Variants in NXPE2 observed in about 807,000 individuals in gnomAD.
NXPE2 encodes NXPE family member 2.
In NXPE2, 34 loss-of-function variants were observed where a neutral mutation model predicts 34.4. That is an observed-to-expected ratio of 0.99 (90% confidence interval 0.75 to 1.31). The LOEUF (loss-of-function observed/expected upper bound fraction) is 1.31. Ranked by LOEUF, NXPE2 falls within the 40% of genes most tolerant of loss-of-function variation. The pLI is 0.00. For missense variants in NXPE2, 649 were observed against 672.5 expected (o/e 0.97, Z 0.39); for synonymous variants, 235 against 231.3 (o/e 1.02, Z -0.15).
the NXPE2 span, among the ~76,000 whole-genome samples, chr11:114,488,866 A>G: frequency 2.6e-5 from 4 of 152,156 alleles, no homozygotes; most frequent in Non-Finnish European, 5.9e-5. Context: ...ATCAGAGCAG[A>G]ACTGAAGGAG....
chr11:114,492,032 A>T, the NXPE2 span, among the ~76,000 whole-genome samples: 1 of 152,162 alleles, frequency 6.6e-6, no homozygotes, highest in Non-Finnish European at 1.5e-5. Flanking sequence ...GGGGGGACGG[A>T]TAGCATTAGG....
the NXPE2 span, among the ~76,000 whole-genome samples, chr11:114,727,420 A>G: frequency 1.3e-5 from 2 of 152,186 alleles, no homozygotes; most frequent in East Asian, 3.9e-4. Flanking sequence ...ATGTCTGAAA[A>G]GCCTCACTTC....
the NXPE2 span, among the ~76,000 whole-genome samples, chr11:114,799,834 G>C: frequency 6.6e-6 from 1 of 152,096 alleles, no homozygotes; most frequent in South Asian, 2.1e-4. Flanking sequence ...ATGACCGGCG[G>C]TGTTAACAGT....
chr11:114,538,055 A>G, the NXPE2 span, among the ~76,000 whole-genome samples: 2 of 152,358 alleles, frequency 1.3e-5, no homozygotes, highest in South Asian at 4.1e-4. Context: ...TAACCAAAAC[A>G]GCATGGTACT....
chr11:114,608,088 G>A, the NXPE2 span, among the ~76,000 whole-genome samples: 1 of 151,396 alleles, frequency 6.6e-6, no homozygotes, highest in East Asian at 2.0e-4. Context: ...TGTCTAATAA[G>A]TGTTGCCTCG....
At chr11:114,775,206 G>A in the NXPE2 span, among the ~76,000 whole-genome samples, 1 of 152,308 alleles carries the variant, frequency 6.6e-6, no homozygotes, top group Non-Finnish European at 1.5e-5. Context: ...CTCCAGGTCC[G>A]CCTTCAGGCA....
At chr11:114,743,064 C>A in the NXPE2 span, among the ~76,000 whole-genome samples, 1 of 152,040 alleles carries the variant, frequency 6.6e-6, no homozygotes, top group African/African-American at 2.4e-5. Flanking sequence ...TTAGGAGTAG[C>A]CCTGGTTTTG....
At chr11:114,565,280 G>A in the NXPE2 span, among the ~76,000 whole-genome samples, 3 of 151,814 alleles carry the variant, frequency 2.0e-5, no homozygotes, top group Non-Finnish European at 4.4e-5. Flanking sequence ...AATAGAGAAC[G>A]TGTCTTTATT....
At chr11:114,528,995 T>C in the NXPE2 span, 3 of 417,450 alleles carry the variant, frequency 7.2e-6, no homozygotes, top group Admixed American at 3.8e-5. Context: ...CCAGGGACTA[T>C]AGATCAGGAG....
the NXPE2 span, among the ~76,000 whole-genome samples, chr11:114,759,631 G>A: frequency 6.6e-6 from 1 of 152,174 alleles, no homozygotes; most frequent in African/African-American, 2.4e-5. Context: ...GCTATAAAAT[G>A]AGGAAAATTA....
At chr11:114,806,879 C>T in the NXPE2 span, among the ~76,000 whole-genome samples, 120,165 of 149,792 alleles carry the variant, frequency 0.8, 48,544 homozygotes, top group Non-Finnish European at 0.87. Flanking sequence ...AACTCCAAGA[C>T]ACGTAATTGT....
At chr11:114,670,353 T>C in the NXPE2 span, among the ~76,000 whole-genome samples, 13,999 of 152,012 alleles carry the variant, frequency 0.092, 765 homozygotes, top group Middle Eastern at 0.2. Flanking sequence ...TCAGAGACTA[T>C]GCACTTCTGG....
At chr11:114,696,686 A>G (rs1041199284) in intron 2 of NXPE2, among the ~76,000 whole-genome samples, 2 of 152,234 alleles carry the variant, frequency 1.3e-5, no homozygotes, top group Non-Finnish European at 2.9e-5. Flanking sequence ...ATTCAGAATC[A>G]TAGTCAACAA....
At chr11:114,641,969 A>G in the NXPE2 span, among the ~76,000 whole-genome samples, 776 of 152,224 alleles carry the variant, frequency 5.1e-3, 4 homozygotes, top group African/African-American at 0.016. Flanking sequence ...TTTGTGGTAT[A>G]TAACAACACA....
chr11:114,783,177 G>A, the NXPE2 span, among the ~76,000 whole-genome samples: 3 of 152,194 alleles, frequency 2.0e-5, no homozygotes, highest in African/African-American at 4.8e-5. Context: ...TTTAGGACAC[G>A]TGCTTCTCTC....
the NXPE2 span, among the ~76,000 whole-genome samples, chr11:114,604,319 A>G: frequency 5.9e-5 from 9 of 152,144 alleles, no homozygotes; most frequent in East Asian, 9.7e-4. Flanking sequence ...TACCCTGTGG[A>G]AAATAAGTGT....
At chr11:114,553,672 G>A in the NXPE2 span, 30 of 970,826 alleles carry the variant, frequency 3.1e-5, no homozygotes, top group East Asian at 1.3e-3. Flanking sequence ...CATTTATTCC[G>A]AAATCAATGT....
At chr11:114,740,362 G>A in the NXPE2 span, among the ~76,000 whole-genome samples, 1 of 151,774 alleles carries the variant, frequency 6.6e-6, no homozygotes, top group Non-Finnish European at 1.5e-5. Flanking sequence ...AGACACGTAG[G>A]TTGTTTCTGT....
chr11:114,798,009 C>T, the NXPE2 span, among the ~76,000 whole-genome samples: 2 of 152,062 alleles, frequency 1.3e-5, no homozygotes, highest in Admixed American at 1.3e-4. Flanking sequence ...CAATCTAAAC[C>T]GAAGTTAAAT....
Sources: gnomAD v4.1 joint callset for allele counts (sites outside exome capture counted in the v4.1 genomes callset) on GRCh38, gnomAD v4.1.1 for gene constraint, MANE v1.5 for transcripts, NCBI Gene and HGNC (gene_info 2026-07-23, HGNC 2026-07-21) for gene names.